LRRC4C: variants seen among roughly 807,000 people sequenced by gnomAD.
LRRC4C encodes leucine-rich repeat-containing protein 4C.
LRRC4C carries 5 observed loss-of-function variants against 33.6 expected under a neutral mutation model. That is an observed-to-expected ratio of 0.15 (90% CI 0.08 to 0.31). LRRC4C has a LOEUF of 0.31. Among genes scored for constraint, LRRC4C ranks in the 10% least tolerant of loss-of-function variants. The pLI is 1.00. For synonymous variants in LRRC4C, 329 were observed against 302.0 expected (o/e 1.09, Z -0.93); for missense variants, 560 against 796.7 (o/e 0.70, Z 3.58).
chr11:41,079,463 TA>T (rs1419926996), intron 1 of LRRC4C, among the ~76,000 whole-genome samples: 1 of 152,166 alleles, frequency 6.6e-6, no homozygotes, highest in African/African-American at 2.4e-5. Flanking sequence ...CCCAATAAAT[TA>T]AAAAATCTTT....
chr11:40,796,509 T>G (rs1950832006), intron 2 of LRRC4C, among the ~76,000 whole-genome samples: 1 of 152,074 alleles, frequency 6.6e-6, no homozygotes, highest in African/African-American at 2.4e-5. Context: ...AAGTCAGGCA[T>G]GTACAACAGC....
In LRRC4C at chr11:40,633,395, C is replaced by T. The variant is rs868055423; in HGVS notation, c.-270+14747G>A. Among the ~76,000 whole-genome samples the T allele has an allele frequency of 9.8e-3, 1,222 of 124,578 alleles. 57 individuals carry two copies. The highest frequency in any genetic ancestry group is 0.036 in the African/African-American group (1,086 of 30,060). The allele number at this position is 124,578 out of a possible 152,430, so 81.7% of individuals were successfully genotyped here. A position where few individuals can be genotyped will look rare whatever the true frequency, so the allele number is the denominator to read the frequency against. On this transcript the variant is annotated intron_variant, in intron 3 of 6. Coordinates refer to ENST00000528697, the MANE Select transcript of LRRC4C (RefSeq NM_001258419.2). Reference sequence around the variant, plus strand: ...TTTCTCTCTCTTTCTTTCTTTCTTTCTTTTTTTTTTTTTGACAGAGTCTCA... The same window carrying T: ...TTTCTCTCTCTTTCTTTCTTTCTTTTTTTTTTTTTTTTTGACAGAGTCTCA...
intron 3 of LRRC4C, among the ~76,000 whole-genome samples, chr11:40,440,516 T>A (rs1951345387): frequency 6.6e-6 from 1 of 152,148 alleles, no homozygotes; most frequent in Admixed American, 6.6e-5. Context: ...CAATCCCTCC[T>A]ACTTATGAAA....
chr11:40,410,158 C>A (rs551959307), intron 3 of LRRC4C, among the ~76,000 whole-genome samples: 8 of 151,684 alleles, frequency 5.3e-5, no homozygotes, highest in Non-Finnish European at 1.0e-4. Flanking sequence ...AAATTGCTGA[C>A]CATTAGTCTA....
At position 40,189,086 on chromosome 11, in the gene LRRC4C, G is replaced by A. The variant is rs540013718; in HGVS notation, c.-95-48233C>T. Among the ~76,000 whole-genome samples, 70 of 152,184 alleles carry A rather than the reference G, an allele frequency of 4.6e-4. 2 individuals are homozygous for A. In the South Asian group the frequency reaches 0.014, roughly 31 times the overall value. On this transcript the variant is annotated intron_variant, in intron 5 of 6. Coordinates refer to ENST00000528697, the MANE Select transcript of LRRC4C (RefSeq NM_001258419.2). ...ATCTGGGCCAGGCCTTTATTCATAC[G>A]CTTGGGCTCTAAGATTTAGGTCACC...
chr11:41,054,862 TGA>T (rs758406800), intron 1 of LRRC4C, among the ~76,000 whole-genome samples: 2 of 152,214 alleles, frequency 1.3e-5, no homozygotes, highest in African/African-American at 2.4e-5. Context: ...TGAACTATCA[TGA>T]GAGCATGTTG....
chr11:40,574,393 A>G (rs2135584034), intron 3 of LRRC4C, among the ~76,000 whole-genome samples: 2 of 152,244 alleles, frequency 1.3e-5, no homozygotes. Flanking sequence ...TCCTAAATGT[A>G]TTTGATTGTT....
rs193048351 is a variant in LRRC4C at position 40,706,602 on chromosome 11, G to C, written c.-406-58324C>G. Among the ~76,000 whole-genome samples the C allele has an allele frequency of 5.5e-4, 83 of 152,222 alleles. No homozygotes were observed. The Middle Eastern group carries it at 0.01, about 19-fold the overall frequency. On this transcript the variant is annotated intron_variant, in intron 2 of 6. Transcript: ENST00000528697. Reference sequence around the variant, plus strand: ...TTTCGTACCAGTACCATGCTGTTTTGGTTACTGTAGGCTTGCAGTATAGTT... The same window carrying C: ...TTTCGTACCAGTACCATGCTGTTTTCGTTACTGTAGGCTTGCAGTATAGTT...
At chr11:40,413,016 C>G (rs1419186842) in intron 3 of LRRC4C, among the ~76,000 whole-genome samples, 3 of 152,030 alleles carry the variant, frequency 2.0e-5, no homozygotes, top group Non-Finnish European at 2.9e-5. Flanking sequence ...TGTACATTTT[C>G]TTTTGATTCC....
intron 2 of LRRC4C, among the ~76,000 whole-genome samples, chr11:40,851,951 C>A (rs935028984): frequency 1.6e-4 from 24 of 152,034 alleles, no homozygotes; most frequent in Non-Finnish European, 3.5e-4. Flanking sequence ...CAAACAAACT[C>A]ATTTAAAAGG....
intron 3 of LRRC4C, among the ~76,000 whole-genome samples, chr11:40,563,845 T>C (rs533754395): frequency 6.6e-6 from 1 of 152,300 alleles, no homozygotes; most frequent in African/African-American, 2.4e-5. Flanking sequence ...CCCTATTTGC[T>C]TCCCCACTAC....
chr11:41,362,178 T>C (rs1565612579), intron 1 of LRRC4C, among the ~76,000 whole-genome samples: 1 of 152,186 alleles, frequency 6.6e-6, no homozygotes, highest in Non-Finnish European at 1.5e-5. Flanking sequence ...AGGCAGTCTA[T>C]TACTTGCAAA....
rs565464053 is a variant in LRRC4C, at chr11:40,815,520, T to C, written c.-407+118115A>G. The stretch of plus-strand genomic sequence containing the variant: ...CAGTAATTTTTTACCTTGCAGGTCT[T>C]GGATGATTTTCTCAAGAGCCCTGAT... On this transcript the variant is annotated intron_variant, in intron 2 of 6. Transcript: ENST00000528697. Among the ~76,000 whole-genome samples, 41 of 152,304 alleles carry C rather than the reference T, an allele frequency of 2.7e-4. No individual in the cohort carries two copies. In the South Asian group the frequency reaches 3.3e-3, roughly 12 times the overall value.
intron 1 of LRRC4C, among the ~76,000 whole-genome samples, chr11:41,107,651 A>G (rs1941584130): frequency 6.6e-6 from 1 of 152,154 alleles, no homozygotes. Context: ...GAAAAATAAA[A>G]AAGTGACTGG....
chr11:41,314,509 T>C (rs1950730085), intron 1 of LRRC4C, among the ~76,000 whole-genome samples: 1 of 152,154 alleles, frequency 6.6e-6, no homozygotes, highest in Admixed American at 6.5e-5. Context: ...CTCAAGACTG[T>C]AATTAAGCTT....
At chr11:41,141,161 G>A (rs938691807) in intron 1 of LRRC4C, among the ~76,000 whole-genome samples, 4 of 152,162 alleles carry the variant, frequency 2.6e-5, no homozygotes, top group Admixed American at 2.6e-4. Flanking sequence ...AATGTTGATT[G>A]AGATGGCACA....
At chr11:40,958,547 T>A (rs116051410) in intron 1 of LRRC4C, among the ~76,000 whole-genome samples, 2,123 of 151,824 alleles carry the variant, frequency 0.014, 58 homozygotes, top group African/African-American at 0.049. Context: ...ATAATCAACA[T>A]TTGACTAATG....
At chr11:41,004,641 A>G (rs781165665) in intron 1 of LRRC4C, among the ~76,000 whole-genome samples, 30 of 152,194 alleles carry the variant, frequency 2.0e-4, no homozygotes, top group Non-Finnish European at 4.1e-4. Context: ...CCTACATAGC[A>G]CAGTAGTTGA....
intron 3 of LRRC4C, among the ~76,000 whole-genome samples, chr11:40,495,811 A>ATTT (rs1565445743): frequency 1.7e-4 from 9 of 51,906 alleles, no homozygotes; most frequent in Non-Finnish European, 2.4e-4. Flanking sequence ...CTCAATAAAC[A>ATTT]TGTTTTTTTT....
Sources: gnomAD v4.1 joint callset for allele counts (sites outside exome capture counted in the v4.1 genomes callset) on GRCh38, gnomAD v4.1.1 for gene constraint, MANE v1.5 for transcripts, NCBI Gene and HGNC (gene_info 2026-07-23, HGNC 2026-07-21) for gene names.